The following HDGFL2 variants were observed in gnomAD, a reference collection of about 807,000 sequenced individuals.
The protein encoded by HDGFL2 is HDGF like 2, also known as hepatoma-derived growth factor-related protein 2.
Under a neutral mutation model 77.1 loss-of-function variants are expected in HDGFL2, and 36 were observed. The observed-to-expected ratio is 0.47, with a 90% CI of 0.36 to 0.62. HDGFL2 has a LOEUF of 0.62. Ranked by LOEUF, HDGFL2 falls within the 20% of genes least tolerant of loss-of-function variation. HDGFL2 has a pLI of 0.00. For synonymous variants in HDGFL2, 463 were observed against 413.1 expected (o/e 1.12, Z -1.46); for missense variants, 976 against 973.4 (o/e 1.00, Z -0.04).
At chr19:4,477,554 A>G (rs1405899164) in intron 3 of HDGFL2, among the ~76,000 whole-genome samples, 1 of 152,162 alleles carries the variant, frequency 6.6e-6, no homozygotes, top group African/African-American at 2.4e-5. Flanking sequence ...CCCCAGGTCA[A>G]GTTCTCTTTG....
chr19:4,498,491 A>G (rs1461011985), intron 12 of HDGFL2, 115 bp downstream of exon 12: 9 of 836,210 alleles, frequency 1.1e-5, no homozygotes, highest in African/African-American at 1.7e-5. Flanking sequence ...TGGGTGGGCC[A>G]GGAGTCTGTT....
At chr19:4,482,527 C>T (rs1226265243) in intron 3 of HDGFL2, among the ~76,000 whole-genome samples, 1 of 152,086 alleles carries the variant, frequency 6.6e-6, no homozygotes, top group African/African-American at 2.4e-5. Flanking sequence ...TTCATAGAGA[C>T]AGGCAACACT....
chr19:4,480,586 G>A (rs1474417460), intron 3 of HDGFL2, among the ~76,000 whole-genome samples: 2 of 152,208 alleles, frequency 1.3e-5, no homozygotes, highest in African/African-American at 4.8e-5. Flanking sequence ...GGGCATGGCG[G>A]TGGGTGCCTG....
intron 6 of HDGFL2, 94 bp downstream of exon 6, chr19:4,491,929 A>AG: frequency 9.0e-7 from 1 of 1,110,476 alleles, no homozygotes; most frequent in Non-Finnish European, 1.3e-6. Flanking sequence ...CCATTTCTGG[A>AG]GGGGGTGGGA....
intron 1 of HDGFL2, 34 bp downstream of exon 1, chr19:4,472,456 G>GC (rs1387320259): frequency 4.1e-5 from 19 of 463,794 alleles, no homozygotes; most frequent in African/African-American, 1.7e-4. Flanking sequence ...CCGGTGGGGG[G>GC]GGGGGGGGGG....
intron 10 of HDGFL2, 171 bp from the exon 11 acceptor site, chr19:4,497,787 C>G (rs928206876): frequency 9.7e-6 from 6 of 615,592 alleles, no homozygotes; most frequent in African/African-American, 9.2e-5. Context: ...CCTGGTCTGC[C>G]CTAGGCCTAG....
chr19:4,491,491 G>A (rs1975511008), intron 4 of HDGFL2, 75 bp from the exon 5 acceptor site: 1 of 1,279,046 alleles, frequency 7.8e-7, no homozygotes, highest in South Asian at 1.2e-5. Flanking sequence ...CGTGGGTGGT[G>A]GGCAGTCAGC....
At chr19:4,500,228 C>T (rs888913385) in intron 14 of HDGFL2, among the ~76,000 whole-genome samples, 5 of 152,148 alleles carry the variant, frequency 3.3e-5, no homozygotes, top group African/African-American at 7.2e-5. Flanking sequence ...ATGGGATGGG[C>T]GAGCTTGGGA....
At position 4,475,224 on chromosome 19, in the gene HDGFL2, A is replaced by G. The variant is rs1282730350; in HGVS notation, c.73-51A>G. 6 of 1,530,042 alleles carry G rather than the reference A, an allele frequency of 3.9e-6. No individual in the cohort carries two copies. The Admixed American group carries it at 7.0e-5, about 18-fold the overall frequency. 94.8% of individuals were successfully genotyped at this position (1,530,042 alleles called of 1,614,324 possible). ...AAGTAACTTGGCTGATTTCTCGGTG[A>G]TTTCCTGGGTCAGTGGGTAAAGCCA... On this transcript the variant is annotated intron_variant, in intron 1 of 15. Coordinates refer to ENST00000616600, the MANE Select transcript of HDGFL2 (RefSeq NM_001001520.3).
chr19:4,491,283 C>A (rs1337279590), intron 4 of HDGFL2, among the ~76,000 whole-genome samples: 1 of 128,282 alleles, frequency 7.8e-6, no homozygotes, highest in Non-Finnish European at 1.7e-5. Flanking sequence ...CCCCACCCCC[C>A]CCGGCGCAGC....
chr19:4,493,751 G>C lies in HDGFL2; in HGVS notation c.727G>C (p.Ala243Pro), dbSNP rs867391057. 6.5e-7 allele frequency: 1 copy of C among 1,539,114 alleles called. No individual in the cohort carries two copies. The highest frequency in any genetic ancestry group is 8.8e-7 in the Non-Finnish European group (1 of 1,139,126). The change falls in exon 7 of 16, where the codon GCC becomes CCC. Residue 243 changes from alanine (A) to proline (P), a missense_variant. Coordinates refer to ENST00000616600, the MANE Select transcript of HDGFL2 (RefSeq NM_001001520.3). ...CGACTCCAAGGCCGATTCGGACGGG[G>C]CCAAGCCTGAGCCGGTGGCCATGGC... The part of the protein sequence containing the change: ...DSDSKADSDG[A>P]KPEPVAMARS...
rs765157868 is a variant in HDGFL2 at position 4,493,873 on chromosome 19, C to A, written c.838+11C>A. On this transcript the variant is annotated intron_variant, in intron 7 of 15. Transcript: ENST00000616600. Reference sequence around the variant, plus strand: ...GGGGCAGGAAGCCAGGTAGGGCCCTCGTGCTCGCACATCTCTTGGCCTGGC... The same window carrying A: ...GGGGCAGGAAGCCAGGTAGGGCCCTAGTGCTCGCACATCTCTTGGCCTGGC... The A allele has an allele frequency of 1.4e-5, 21 of 1,502,736 alleles. No homozygotes were observed. Among genetic ancestry groups the A allele is most frequent in the Admixed American group, 1.3e-4 (6 of 46,280 alleles). 93.1% of individuals were successfully genotyped at this position (1,502,736 alleles called of 1,614,324 possible). A position where few individuals can be genotyped will look rare whatever the true frequency, so the allele number is the denominator to read the frequency against.
At chr19:4,497,160 AC>A in intron 10 of HDGFL2, 1 of 450,168 alleles carries the variant, frequency 2.2e-6, no homozygotes, top group South Asian at 1.6e-5. Context: ...AGTGTGAGCC[AC>A]CGTGCCTGGC....
chr19:4,502,015 C>T lies in HDGFL2; in HGVS notation c.*5C>T, dbSNP rs769144715. On this transcript the variant is annotated 3_prime_UTR_variant, in exon 16 of 16. Coordinates refer to ENST00000616600, the MANE Select transcript of HDGFL2 (RefSeq NM_001001520.3). ...GCCCTGGACGAGGAGAGCTGAGCCG[C>T]GGGCAGCCAGGCCCAGCCCCCGCCC... 33 of 1,518,228 alleles carry T rather than the reference C, an allele frequency of 2.2e-5. No individual in the cohort carries two copies. The highest frequency in any genetic ancestry group is 1.2e-4 in the East Asian group (5 of 40,716). The allele number at this position is 1,518,228 out of a possible 1,614,324, so 94.0% of individuals were successfully genotyped here. A position where few individuals can be genotyped will look rare whatever the true frequency, so the allele number is the denominator to read the frequency against.
At position 4,496,418 on chromosome 19, in the gene HDGFL2, C is replaced by T. The variant is rs756185068; in HGVS notation, c.1328+13C>T. ...AGCAACAAGCCAAGTGAGCCCTGCT[C>T]TGCCCCTCCACACCCTGGGGGCCCC... On this transcript the variant is annotated intron_variant, in intron 10 of 15. Transcript: ENST00000616600. 1 of 1,608,492 alleles carries T rather than the reference C, an allele frequency of 6.2e-7. No individual in the cohort carries two copies. Among genetic ancestry groups the T allele is most frequent in the Non-Finnish European group, 8.5e-7 (1 of 1,176,194 alleles).
At chr19:4,475,384 C>G (rs1332706672) in intron 2 of HDGFL2, 33 bp downstream of exon 2, 11 of 1,614,090 alleles carry the variant, frequency 6.8e-6, no homozygotes, top group Middle Eastern at 1.6e-4. Context: ...TGGTTTTCTC[C>G]TCTGGTGCCT....
chr19:4,493,691 G>C lies in HDGFL2; in HGVS notation c.679-12G>C. 1.4e-6 allele frequency: 2 copies of C among 1,449,318 alleles called. No homozygotes were observed. The highest frequency in any genetic ancestry group is 1.4e-5 in the African/African-American group (1 of 69,520). 89.8% of individuals were successfully genotyped at this position (1,449,318 alleles called of 1,614,324 possible). ...GCTCCTGATGCTCACGCCTGTCCCT[G>C]CTTCTCCCCAGAAGGCGCCATCAGC... On this transcript the variant is annotated splice_polypyrimidine_tract_variant and intron_variant, in intron 6 of 15. Transcript: ENST00000616600.
chr19:4,491,620 G>T lies in HDGFL2; in HGVS notation c.544G>T (p.Val182Leu), dbSNP rs376151917. 1.2e-6 allele frequency: 2 copies of T among 1,613,970 alleles called. No individual in the cohort carries two copies. The highest frequency in any genetic ancestry group is 1.3e-5 in the African/African-American group (1 of 75,030). Residue 182 changes from valine to leucine, a missense_variant, in exon 5 of 16, where the codon GTG becomes TTG. By Grantham distance (32) the Val-to-Leu change is conservative (BLOSUM62 1). Transcript: ENST00000616600. ...CTCCAGCGACCTGGATCAGGCCAGC[G>T]TGTCCCCATCCGAAGAGGAGAACTC... ...KASSDLDQASVSPSEEENSES... is the reference protein window; with the variant it reads ...KASSDLDQASLSPSEEENSES...
rs1192314177 is a variant in HDGFL2 at position 4,488,697 on chromosome 19, G to A, written c.310G>A (p.Glu104Lys). 2.6e-6 allele frequency: 4 copies of A among 1,547,744 alleles called. No individual in the cohort carries two copies. The highest frequency in any genetic ancestry group is 3.9e-5 in the Admixed American group (2 of 51,212). ...APPPVSSSDSEAPEANPADGS... is the reference protein window; with the variant it reads ...APPPVSSSDSKAPEANPADGS... ...ACAGCCAGTGAGCTCCTCCGACAGCGAGGCCCCCGAGGCCAACCCCGCCGA... is the reference window on the plus strand; with the variant it reads ...ACAGCCAGTGAGCTCCTCCGACAGCAAGGCCCCCGAGGCCAACCCCGCCGA... Residue 104 changes from glutamate (E) to lysine (K), a missense_variant, in exon 4 of 16, where the codon GAG (glutamate) becomes AAG (lysine). Glu to Lys is a moderately conservative substitution (Grantham distance 56). This residue lies in a region of HDGFL2 where 103 missense variants were observed against 145.7 expected (regional missense o/e 0.71). Transcript: ENST00000616600.
Sources: gnomAD v4.1 joint callset for allele counts (sites outside exome capture counted in the v4.1 genomes callset) on GRCh38, gnomAD v4.1.1 for gene constraint, gnomAD v4.1.1 regional missense constraint, MANE v1.5 for transcripts, NCBI Gene and HGNC (gene_info 2026-07-23, HGNC 2026-07-21) for gene names.